The following ANKRD13C variants were observed in gnomAD, a reference collection of about 807,000 sequenced individuals.
The protein encoded by ANKRD13C is ankyrin repeat domain-containing protein 13C.
In ANKRD13C, 16 loss-of-function variants were observed where a neutral mutation model predicts 65.5. The ratio of observed to expected loss-of-function variants is 0.24; its 90% CI spans 0.17 to 0.37. The LOEUF (loss-of-function observed/expected upper bound fraction) is 0.37, where lower values mean the gene tolerates loss of function less well. Ranked by LOEUF, ANKRD13C falls within the 10% of genes least tolerant of loss-of-function variation. The pLI, the probability that ANKRD13C is intolerant of heterozygous loss-of-function variation, is 1.00. For synonymous variants in ANKRD13C, 235 were observed against 238.7 expected (o/e 0.98, Z 0.14); for missense variants, 503 against 655.9 (o/e 0.77, Z 2.55).
chr1:70,273,052 G>A (rs1678965521), intron 11 of ANKRD13C, among the ~76,000 whole-genome samples: 2 of 151,608 alleles, frequency 1.3e-5, no homozygotes, highest in East Asian at 3.9e-4. Context: ...GGTGCATCGA[G>A]TCAACTGGGT....
At chr1:70,338,509 C>T (rs977964704) in intron 1 of ANKRD13C, among the ~76,000 whole-genome samples, 2 of 152,138 alleles carry the variant, frequency 1.3e-5, no homozygotes, top group African/African-American at 4.8e-5. Flanking sequence ...AGGTGGTTCT[C>T]CTGCTTCAGC....
chr1:70,337,077 T>C (rs776808843), intron 1 of ANKRD13C, among the ~76,000 whole-genome samples: 3 of 151,670 alleles, frequency 2.0e-5, no homozygotes, highest in Non-Finnish European at 4.4e-5. Flanking sequence ...AGGGATCACA[T>C]GCAGGACATA....
intron 9 of ANKRD13C, among the ~76,000 whole-genome samples, chr1:70,285,558 G>C (rs541125955): frequency 6.6e-6 from 1 of 151,328 alleles, no homozygotes; most frequent in African/African-American, 2.4e-5. Flanking sequence ...AATGTCTCTT[G>C]AATTTATTTG....
intron 1 of ANKRD13C, among the ~76,000 whole-genome samples, chr1:70,350,264 T>C (rs1682691476): frequency 6.6e-6 from 1 of 152,264 alleles, no homozygotes; most frequent in Non-Finnish European, 1.5e-5. Flanking sequence ...GCAATAAGGT[T>C]AGTTCTGGGC....
chr1:70,303,150 G>C (rs147975063), intron 6 of ANKRD13C, among the ~76,000 whole-genome samples: 1 of 152,150 alleles, frequency 6.6e-6, no homozygotes, highest in African/African-American at 2.4e-5. Context: ...TTTCATTCGT[G>C]TTTCTATAAT....
intron 1 of ANKRD13C, among the ~76,000 whole-genome samples, chr1:70,347,091 CAAAAAA>C (rs35972712): frequency 3.6e-4 from 13 of 36,354 alleles, no homozygotes; most frequent in Admixed American, 1.5e-3. Context: ...GGCTCCGTCT[CAAAAAA>C]AAAAAAAAAA....
chr1:70,294,412 T>C (rs1416557474), intron 8 of ANKRD13C, among the ~76,000 whole-genome samples: 1 of 152,164 alleles, frequency 6.6e-6, no homozygotes, highest in African/African-American at 2.4e-5. Context: ...CAAACGCCAG[T>C]CTAGATGTTG....
intron 1 of ANKRD13C, among the ~76,000 whole-genome samples, chr1:70,340,066 T>A (rs1006019259): frequency 6.6e-6 from 1 of 151,836 alleles, no homozygotes; most frequent in East Asian, 1.9e-4. Flanking sequence ...CCCAAGCTGG[T>A]CTCAAACTCC....
intron 7 of ANKRD13C, 21 bp downstream of exon 7, chr1:70,300,743 T>C: frequency 4.5e-6 from 7 of 1,553,922 alleles, no homozygotes; most frequent in Non-Finnish European, 6.1e-6. Context: ...TAAAGGAATA[T>C]TGATAAGACA....
intron 1 of ANKRD13C, among the ~76,000 whole-genome samples, chr1:70,347,344 C>G (rs1474135677): frequency 6.6e-6 from 1 of 151,620 alleles, no homozygotes; most frequent in East Asian, 2.0e-4. Context: ...TTCTGGAACC[C>G]AAGCATTCTG....
Position 70,325,650 on chromosome 1 carries a change from G to A in ANKRD13C, c.473-693C>T, listed in dbSNP as rs185355624. Among the ~76,000 whole-genome samples the A allele has an allele frequency of 8.5e-5, 13 of 152,204 alleles. No homozygotes were observed. The East Asian group carries it at 1.2e-3, about 14-fold the overall frequency. On this transcript the variant is annotated intron_variant, in intron 2 of 12. Transcript: ENST00000370944. The stretch of plus-strand genomic sequence containing the variant: ...TCCCAGCACTTTGGGAGGCCAAGGC[G>A]GGCAGATCACGAGGTCAGGAGATCG...
At chr1:70,346,117 C>A (rs1395104115) in intron 1 of ANKRD13C, among the ~76,000 whole-genome samples, 1 of 152,080 alleles carries the variant, frequency 6.6e-6, no homozygotes, top group Non-Finnish European at 1.5e-5. Context: ...CAGGTGTGAG[C>A]CACTGTGCCT....
At chr1:70,303,026 TAAAG>T (rs1348801419) in intron 6 of ANKRD13C, among the ~76,000 whole-genome samples, 2 of 151,992 alleles carry the variant, frequency 1.3e-5, no homozygotes, top group African/African-American at 2.4e-5. Flanking sequence ...GAAAGACAGA[TAAAG>T]AAAGACAAAG....
At chr1:70,304,977 C>T (rs946904759) in intron 6 of ANKRD13C, among the ~76,000 whole-genome samples, 2 of 151,858 alleles carry the variant, frequency 1.3e-5, no homozygotes, top group Non-Finnish European at 2.9e-5. Context: ...TTAAAAAACA[C>T]GCTGGGTGTG....
At chr1:70,285,911 T>C (rs1679603536) in intron 9 of ANKRD13C, among the ~76,000 whole-genome samples, 2 of 152,142 alleles carry the variant, frequency 1.3e-5, no homozygotes, top group Non-Finnish European at 2.9e-5. Context: ...ATATATACCT[T>C]TCTTAAAAAG....
chr1:70,296,021 C>G, intron 8 of ANKRD13C, 109 bp downstream of exon 8: 2 of 1,306,996 alleles, frequency 1.5e-6, no homozygotes, highest in Non-Finnish European at 2.1e-6. Flanking sequence ...GAGAAAAAAA[C>G]TACTTGGAGA....
rs978295255 is a variant in ANKRD13C, at chr1:70,259,180, A to T, written c.*3537T>A. ...TATTTAGAACATCCCAATTACTGTC[A>T]TCCTTCTTTAGTCATCAAGAACTCT... On this transcript the variant is annotated 3_prime_UTR_variant, in exon 13 of 13. Transcript: ENST00000370944. 6.6e-6 allele frequency among the ~76,000 whole-genome samples: 1 copy of T among 152,212 alleles called. No homozygotes were observed.
chr1:70,268,919 A>C (rs571588342), intron 12 of ANKRD13C, among the ~76,000 whole-genome samples: 1 of 152,122 alleles, frequency 6.6e-6, no homozygotes, highest in South Asian at 2.1e-4. Context: ...TTTAAGTTTT[A>C]GGGTACATGT....
At chr1:70,323,380 C>T (rs1681393771) in intron 3 of ANKRD13C, among the ~76,000 whole-genome samples, 1 of 152,108 alleles carries the variant, frequency 6.6e-6, no homozygotes, top group Non-Finnish European at 1.5e-5. Context: ...CACGGTGGCT[C>T]ATGCCTGTAA....
Sources: gnomAD v4.1 joint callset for allele counts (sites outside exome capture counted in the v4.1 genomes callset) on GRCh38, gnomAD v4.1.1 for gene constraint, MANE v1.5 for transcripts, NCBI Gene and HGNC (gene_info 2026-07-23, HGNC 2026-07-21) for gene names.